The following SNX14 variants were observed in gnomAD, a reference collection of about 807,000 sequenced individuals.
SNX14 encodes sorting nexin 14.
In SNX14, 93 loss-of-function variants were observed where a neutral mutation model predicts 133.8. The observed-to-expected ratio is 0.70, with a 90% CI of 0.59 to 0.83. The LOEUF (loss-of-function observed/expected upper bound fraction) is 0.83. Among genes scored for constraint, SNX14 ranks in the 40% least tolerant of loss-of-function variants. SNX14 has a pLI of 0.00. For synonymous variants in SNX14, 368 were observed against 365.6 expected (o/e 1.01, Z -0.07); for missense variants, 945 against 1,094.9 (o/e 0.86, Z 1.93).
intron 1 of SNX14, among the ~76,000 whole-genome samples, chr6:85,590,791 G>A (rs1159720139): frequency 2.6e-5 from 4 of 152,124 alleles, no homozygotes; most frequent in African/African-American, 9.7e-5. Context: ...ACATGAAAAG[G>A]TACTTTGCAA....
intron 7 of SNX14, among the ~76,000 whole-genome samples, chr6:85,556,467 T>G (rs564896227): frequency 3.7e-5 from 5 of 134,448 alleles, no homozygotes; most frequent in African/African-American, 1.4e-4. Flanking sequence ...CTCTTTCACA[T>G]TCATCTTTTT....
chr6:85,509,272 CTGAG>C (rs1771900429), intron 26 of SNX14, among the ~76,000 whole-genome samples: 1 of 152,090 alleles, frequency 6.6e-6, no homozygotes, highest in Admixed American at 6.6e-5. Context: ...CATGTTGTTT[CTGAG>C]TATCAAAGCT....
chr6:85,514,407 A>T, intron 24 of SNX14, 99 bp downstream of exon 24: 1 of 1,484,476 alleles, frequency 6.7e-7, no homozygotes, highest in Non-Finnish European at 9.1e-7. Flanking sequence ...ATCTTCAATT[A>T]AAAAGACAGT....
chr6:85,587,528 T>C (rs888891042), intron 1 of SNX14, among the ~76,000 whole-genome samples: 1 of 152,196 alleles, frequency 6.6e-6, no homozygotes, highest in Non-Finnish European at 1.5e-5. Flanking sequence ...TGTAGTAGCA[T>C]GATCAGAGCT....
intron 26 of SNX14, among the ~76,000 whole-genome samples, chr6:85,513,391 T>G (rs1179679986): frequency 6.6e-6 from 1 of 152,248 alleles, no homozygotes; most frequent in Non-Finnish European, 1.5e-5. Flanking sequence ...ATTTTTTATA[T>G]GCCTTGCATT....
At chr6:85,586,816 C>G (rs570802008) in intron 1 of SNX14, among the ~76,000 whole-genome samples, 1 of 152,054 alleles carries the variant, frequency 6.6e-6, no homozygotes, top group South Asian at 2.1e-4. Flanking sequence ...GTGGGCAGAT[C>G]ACTTGAGGTC....
chr6:85,540,691 A>C (rs1418580441), intron 15 of SNX14, among the ~76,000 whole-genome samples: 1 of 152,198 alleles, frequency 6.6e-6, no homozygotes, highest in East Asian at 1.9e-4. Flanking sequence ...AAAAACATCT[A>C]TTCCCATAAC....
Position 85,530,275 on chromosome 6 carries a change from A to G in SNX14, c.1811T>C (p.Val604Ala). 6.3e-7 allele frequency: 1 copy of G among 1,584,866 alleles called. No individual in the cohort carries two copies. Among genetic ancestry groups the G allele is most frequent in the South Asian group, 1.1e-5 (1 of 88,484 alleles). ...AGACCAATGTTCAGGCTCGTGTCCA[A>G]CTGTAAATTGAGTACACACACACTG... ...IDVERNDRRAVGHEPEHWSVY... is the reference protein window; with the variant it reads ...IDVERNDRRAAGHEPEHWSVY... Residue 604 changes from valine to alanine, a missense_variant and splice_region_variant, in exon 19 of 29, where the codon GTT becomes GCT. Coordinates refer to ENST00000314673, the MANE Select transcript of SNX14 (RefSeq NM_153816.6).
intron 12 of SNX14, 125 bp from the exon 13 acceptor site, chr6:85,543,885 A>G (rs1326243208): frequency 2.2e-6 from 1 of 455,354 alleles, no homozygotes; most frequent in Non-Finnish European, 3.4e-6. Flanking sequence ...AATTCATCTA[A>G]GTTTTTAAAA....
At chr6:85,591,640 C>CT (rs1474828406) in intron 1 of SNX14, among the ~76,000 whole-genome samples, 1 of 152,184 alleles carries the variant, frequency 6.6e-6, no homozygotes, top group Admixed American at 6.5e-5. Context: ...CCTGCTCCTA[C>CT]TAGATGGCTC....
chr6:85,531,294 T>C (rs1377240835), intron 18 of SNX14, among the ~76,000 whole-genome samples: 4 of 152,196 alleles, frequency 2.6e-5, no homozygotes, highest in Non-Finnish European at 5.9e-5. Context: ...TGCTTAGATG[T>C]AGAATAACAA....
Position 85,572,567 on chromosome 6 carries a change from C to CAAATACT in SNX14, c.262-194_262-193insAGTATTT, listed in dbSNP as rs1795997458. 3.3e-5 allele frequency among the ~76,000 whole-genome samples: 5 copies of CAAATACT among 151,862 alleles called. 1 individual carries two copies. The South Asian group carries it at 1.0e-3, about 32-fold the overall frequency. The stretch of plus-strand genomic sequence containing the variant: ...ACTAAACCATCAGAGAAAAAAATAC[C>CAAATACT]ACATGAAATGCCTTATAATACCTAA... On this transcript the variant is annotated intron_variant, in intron 2 of 28. Coordinates refer to ENST00000314673, the MANE Select transcript of SNX14 (RefSeq NM_153816.6).
At chr6:85,580,615 G>C (rs1798746855) in intron 1 of SNX14, among the ~76,000 whole-genome samples, 1 of 152,118 alleles carries the variant, frequency 6.6e-6, no homozygotes, top group Non-Finnish European at 1.5e-5. Context: ...GCATTGCCCT[G>C]AAAGGTGAGT....
chr6:85,551,616 C>T (rs1220427893), intron 7 of SNX14, among the ~76,000 whole-genome samples: 1 of 152,212 alleles, frequency 6.6e-6, no homozygotes, highest in African/African-American at 2.4e-5. Flanking sequence ...TCTTTGTTCT[C>T]TGGAATGCAG....
chr6:85,590,687 C>A (rs1802497563), intron 1 of SNX14, among the ~76,000 whole-genome samples: 1 of 152,186 alleles, frequency 6.6e-6, no homozygotes, highest in South Asian at 2.1e-4. Context: ...AGCTGTTATA[C>A]AATGACTTCA....
At chr6:85,545,038 A>G (rs1038023841) in intron 12 of SNX14, among the ~76,000 whole-genome samples, 8 of 152,222 alleles carry the variant, frequency 5.3e-5, no homozygotes, top group African/African-American at 1.9e-4. Flanking sequence ...TGACAACAGG[A>G]GCACAATAGG....
chr6:85,559,028 ATATAT>A (rs1443119089), intron 6 of SNX14, among the ~76,000 whole-genome samples: 2 of 152,158 alleles, frequency 1.3e-5, no homozygotes, highest in Non-Finnish European at 2.9e-5. Context: ...ATAAAACTTA[ATATAT>A]TATATATTTC....
chr6:85,557,696 G>C (rs1790207497), intron 7 of SNX14, among the ~76,000 whole-genome samples: 1 of 152,154 alleles, frequency 6.6e-6, no homozygotes, highest in African/African-American at 2.4e-5. Flanking sequence ...CCATTAAGGA[G>C]AAAGGGTGAA....
intron 1 of SNX14, among the ~76,000 whole-genome samples, chr6:85,585,384 T>G (rs964040069): frequency 2.0e-5 from 3 of 150,398 alleles, no homozygotes; most frequent in African/African-American, 4.9e-5. Context: ...TAAAGTATAA[T>G]TAAAAAAAAA....
Sources: allele counts gnomAD v4.1 joint callset (sites outside exome capture counted in the v4.1 genomes callset), GRCh38; gene constraint gnomAD v4.1.1; transcripts MANE v1.5; gene names NCBI Gene and HGNC (gene_info 2026-07-23, HGNC 2026-07-21).